EFCAB5: variants seen among roughly 807,000 people sequenced by gnomAD.
EFCAB5 encodes the protein EF-hand calcium binding domain 5, also known as EF-hand calcium-binding domain-containing protein 5.
EFCAB5 carries 131 observed loss-of-function variants against 167.9 expected under a neutral mutation model. The observed-to-expected ratio is 0.78, with a 90% CI of 0.68 to 0.90. The LOEUF is 0.90. Among genes scored for constraint, EFCAB5 ranks in the 40% least tolerant of loss-of-function variants. The pLI, the probability that EFCAB5 is intolerant of heterozygous loss-of-function variation, is 0.00. For missense variants in EFCAB5, 1,663 were observed against 1,745.2 expected, an observed-to-expected ratio of 0.95 and a Z score of 0.84; for synonymous variants, 574 against 602.8, an observed-to-expected ratio of 0.95 and a Z score of 0.70.
At chr17:29,988,595 A>C (rs1193365107) in intron 4 of EFCAB5, among the ~76,000 whole-genome samples, 1 of 152,212 alleles carries the variant, frequency 6.6e-6, no homozygotes, top group Non-Finnish European at 1.5e-5. Context: ...AAATTGAAAC[A>C]GTTTTGTTTT....
intron 7 of EFCAB5, among the ~76,000 whole-genome samples, chr17:30,029,269 A>G (rs2069414022): frequency 6.6e-6 from 1 of 152,206 alleles, no homozygotes. Flanking sequence ...AATGCATTTA[A>G]TTCATCTAAC....
chr17:30,062,212 C>T (rs549664262), intron 14 of EFCAB5, among the ~76,000 whole-genome samples: 3 of 152,196 alleles, frequency 2.0e-5, no homozygotes, highest in Admixed American at 2.0e-4. Context: ...CAAGCCAGAA[C>T]AACAAATAAA....
At chr17:30,036,410 TAGAGAG>T (rs1019505833) in intron 8 of EFCAB5, among the ~76,000 whole-genome samples, 7 of 137,352 alleles carry the variant, frequency 5.1e-5, no homozygotes, top group Non-Finnish European at 1.1e-4. Flanking sequence ...TATATAATAT[TAGAGAG>T]AGAGAGAGAG....
Position 29,969,182 on chromosome 17 carries a change from AAAG to A in EFCAB5, c.589_591del (p.Lys197del), listed in dbSNP as rs143784264. 3.4e-3 allele frequency: 5,484 copies of A among 1,613,878 alleles called. 126 individuals carry two copies. In the African/African-American group the frequency reaches 0.056, roughly 16 times the overall value. On this transcript the variant is annotated inframe_deletion, in exon 4 of 23. Transcript: ENST00000394835. ...TAGAAAACATGTTAACTCAAGTAGA[AAAG>A]AAGAAGGTTTTGACAGAAGCTGATA...
chr17:29,992,464 C>T (rs970757318), intron 4 of EFCAB5, among the ~76,000 whole-genome samples: 3 of 152,228 alleles, frequency 2.0e-5, no homozygotes, highest in Non-Finnish European at 2.9e-5. Flanking sequence ...TCTCCTGCCT[C>T]AGCCTTACGA....
chr17:30,104,319 A>G (rs925074896), intron 22 of EFCAB5, among the ~76,000 whole-genome samples: 2 of 152,228 alleles, frequency 1.3e-5, no homozygotes, highest in African/African-American at 2.4e-5. Flanking sequence ...TTATTAATCC[A>G]GTGTTAAAAG....
At chr17:29,967,168 A>ATT (rs1334340363) in intron 3 of EFCAB5, among the ~76,000 whole-genome samples, 1 of 152,100 alleles carries the variant, frequency 6.6e-6, no homozygotes, top group Admixed American at 6.5e-5. Flanking sequence ...TGTTTGTTGA[A>ATT]TTTAGTCATG....
intron 4 of EFCAB5, among the ~76,000 whole-genome samples, chr17:29,990,414 A>G (rs551394611): frequency 6.6e-5 from 10 of 152,304 alleles, no homozygotes; most frequent in African/African-American, 2.4e-4. Context: ...CATATGGCAC[A>G]ATCAGGAGCT....
intron 5 of EFCAB5, among the ~76,000 whole-genome samples, chr17:29,993,646 ACTAT>A (rs2068472556): frequency 6.6e-6 from 1 of 152,182 alleles, no homozygotes; most frequent in Non-Finnish European, 1.5e-5. Context: ...GACCTGCAAG[ACTAT>A]CTCTTAGCTC....
At chr17:30,096,412 A>G (rs4461132) in intron 22 of EFCAB5, among the ~76,000 whole-genome samples, 85,290 of 151,540 alleles carry the variant, frequency 0.56, 24,821 homozygotes, top group East Asian at 0.81. Flanking sequence ...GCATGGTGGC[A>G]TGCACCTGTG....
At chr17:30,072,918 G>C (rs1567759088) in intron 14 of EFCAB5, among the ~76,000 whole-genome samples, 1 of 151,846 alleles carries the variant, frequency 6.6e-6, no homozygotes, top group Non-Finnish European at 1.5e-5. Flanking sequence ...ATGTATTCAT[G>C]GTTTCCTTTT....
chr17:29,969,481 GA>G, intron 4 of EFCAB5, 114 bp downstream of exon 4: 1 of 975,934 alleles, frequency 1.0e-6, no homozygotes, highest in Non-Finnish European at 1.5e-6. Flanking sequence ...CAGTTATTCA[GA>G]AAGTATTTAT....
chr17:29,959,914 C>CCTTATAGTTCTTATAGCCTAT (rs2067687072), intron 3 of EFCAB5, among the ~76,000 whole-genome samples: 1 of 152,126 alleles, frequency 6.6e-6, no homozygotes, highest in African/African-American at 2.4e-5. Flanking sequence ...CCAGGAACTA[C>CCTTATAGTTCTTATAGCCTAT]AGTCCTTATA....
intron 3 of EFCAB5, chr17:29,968,349 A>G (rs2067876287): frequency 2.2e-6 from 1 of 454,260 alleles, no homozygotes; most frequent in Non-Finnish European, 4.4e-6. Flanking sequence ...GTGGGCATGT[A>G]TCCTAGTTAG....
At chr17:29,956,326 G>T (rs1368237690) in intron 3 of EFCAB5, among the ~76,000 whole-genome samples, 1 of 152,232 alleles carries the variant, frequency 6.6e-6, no homozygotes, top group Non-Finnish European at 1.5e-5. Flanking sequence ...TCCAGAACCA[G>T]AAAAGGATCA....
intron 22 of EFCAB5, among the ~76,000 whole-genome samples, chr17:30,101,508 G>A (rs1432420769): frequency 2.0e-5 from 3 of 152,208 alleles, no homozygotes; most frequent in Non-Finnish European, 4.4e-5. Flanking sequence ...ATTTTGACAT[G>A]CTGAGTTTGA....
intron 19 of EFCAB5, among the ~76,000 whole-genome samples, chr17:30,089,345 A>T (rs1363660297): frequency 6.6e-6 from 1 of 152,190 alleles, no homozygotes; most frequent in Non-Finnish European, 1.5e-5. Context: ...GCAGCAGCAA[A>T]AGGGGTGGGA....
intron 14 of EFCAB5, among the ~76,000 whole-genome samples, chr17:30,063,184 G>T (rs1238412170): frequency 6.6e-6 from 1 of 152,144 alleles, no homozygotes; most frequent in Non-Finnish European, 1.5e-5. Context: ...ATCTCCCTGG[G>T]AAGTGGAGTC....
chr17:30,056,052 G>T lies in EFCAB5; in HGVS notation c.2273-12G>T, dbSNP rs2070254269. On this transcript the variant is annotated splice_polypyrimidine_tract_variant and intron_variant, in intron 11 of 22. Coordinates refer to ENST00000394835, the MANE Select transcript of EFCAB5 (RefSeq NM_198529.4). ...AGTTTGATTGGCTATGTTATGGAATGTGTTTTTACAGGTGAATTTTTTACT... is the reference window on the plus strand; with the variant it reads ...AGTTTGATTGGCTATGTTATGGAATTTGTTTTTACAGGTGAATTTTTTACT... The T allele has an allele frequency of 6.2e-7, 1 of 1,612,914 alleles. No homozygotes were observed. Among genetic ancestry groups the T allele is most frequent in the Non-Finnish European group, 8.5e-7 (1 of 1,179,360 alleles).
Sources: gnomAD v4.1 joint callset for allele counts (sites outside exome capture counted in the v4.1 genomes callset) on GRCh38, gnomAD v4.1.1 for gene constraint, MANE v1.5 for transcripts, NCBI Gene and HGNC (gene_info 2026-07-23, HGNC 2026-07-21) for gene names.